The following CLVS1 variants were observed in gnomAD, a reference collection of about 807,000 sequenced individuals.
The protein encoded by CLVS1 is clavesin 1, also known as clavesin-1.
CLVS1 carries 10 observed loss-of-function variants against 33.1 expected under a neutral mutation model. The observed-to-expected ratio is 0.30, with a 90% CI of 0.19 to 0.51. The LOEUF (loss-of-function observed/expected upper bound fraction) is 0.51, where lower values mean the gene tolerates loss of function less well. Among genes scored for constraint, CLVS1 ranks in the 20% least tolerant of loss-of-function variants. CLVS1 has a pLI of 0.97. For synonymous variants in CLVS1, 163 were observed against 166.1 expected (o/e 0.98, Z 0.14); for missense variants, 343 against 433.4 (o/e 0.79, Z 1.85).
At chr8:61,000,988 A>T in the CLVS1 span, among the ~76,000 whole-genome samples, 3 of 152,058 alleles carry the variant, frequency 2.0e-5, no homozygotes, top group Admixed American at 2.0e-4. Flanking sequence ...CTTTCAATGG[A>T]CTTTCTTGTC....
At chr8:61,045,821 C>T in the CLVS1 span, among the ~76,000 whole-genome samples, 1 of 152,116 alleles carries the variant, frequency 6.6e-6, no homozygotes, top group Non-Finnish European at 1.5e-5. Context: ...TGCCTCTGGC[C>T]ACTTTGGTCT....
intron 5 of CLVS1, among the ~76,000 whole-genome samples, chr8:61,467,673 G>T (rs556052072): frequency 2.0e-5 from 3 of 152,166 alleles, no homozygotes; most frequent in Non-Finnish European, 4.4e-5. Flanking sequence ...GGTAGTTCCT[G>T]CCATGGCCAG....
chr8:61,122,663 C>G (rs1385865339), intron 1 of CLVS1, among the ~76,000 whole-genome samples: 1 of 151,474 alleles, frequency 6.6e-6, no homozygotes, highest in Non-Finnish European at 1.5e-5. Context: ...TGAAGTTAAT[C>G]ATTTGACTTT....
At chr8:61,402,099 T>A (rs533673228) in intron 3 of CLVS1, among the ~76,000 whole-genome samples, 1 of 152,260 alleles carries the variant, frequency 6.6e-6, no homozygotes, top group African/African-American at 2.4e-5. Flanking sequence ...GATGGATGAA[T>A]GTTGAGATTT....
chr8:61,464,935 A>T (rs987165772), intron 5 of CLVS1: 2 of 152,300 alleles, frequency 1.3e-5, no homozygotes, highest in East Asian at 3.9e-4. Context: ...GACCACTCAG[A>T]ACCCACATGG....
rs11988706 is a variant in CLVS1, at chr8:61,123,085, C to A, written c.-242-8685C>A. ...GGGAGTTCAAGACCAGCCTGACCAG[C>A]ATGGAGAAAACCCATCTCTACTAAA... On this transcript the variant is annotated intron_variant, in intron 1 of 2. Transcript: ENST00000522621. Among the ~76,000 whole-genome samples the A allele has an allele frequency of 6.6e-3, 942 of 142,962 alleles. 125 individuals are homozygous for A. Among genetic ancestry groups the A allele is most frequent in the African/African-American group, 0.021 (814 of 39,316 alleles). 93.8% of individuals were successfully genotyped at this position (142,962 alleles called of 152,430 possible). A position where few individuals can be genotyped will look rare whatever the true frequency, so the allele number is the denominator to read the frequency against.
At chr8:61,472,816 C>G (rs1817777262) in intron 5 of CLVS1, among the ~76,000 whole-genome samples, 1 of 152,050 alleles carries the variant, frequency 6.6e-6, no homozygotes, top group South Asian at 2.1e-4. Context: ...CCTACTTTTC[C>G]TCTCTAGAAA....
chr8:61,376,936 A>C (rs1813668779), intron 3 of CLVS1, 157 bp downstream of exon 3: 2 of 581,818 alleles, frequency 3.4e-6, no homozygotes, highest in African/African-American at 3.8e-5. Flanking sequence ...CCAGAGTTTT[A>C]GATGCTTTTT....
chr8:61,382,503 G>A (rs1813921071), intron 3 of CLVS1, among the ~76,000 whole-genome samples: 1 of 152,140 alleles, frequency 6.6e-6, no homozygotes, highest in South Asian at 2.1e-4. Context: ...AGATTTTCAG[G>A]CCCTGCCCCA....
intron 2 of CLVS1, among the ~76,000 whole-genome samples, chr8:61,210,021 G>A (rs940279988): frequency 3.3e-5 from 5 of 152,214 alleles, no homozygotes; most frequent in Non-Finnish European, 7.3e-5. Flanking sequence ...ATTATCATGG[G>A]TGGGCCTGCC....
chr8:61,207,341 G>T (rs893491330), intron 2 of CLVS1, among the ~76,000 whole-genome samples: 1 of 151,404 alleles, frequency 6.6e-6, no homozygotes, highest in Non-Finnish European at 1.5e-5. Context: ...ATGTGCAGAG[G>T]TGCATGGGCT....
chr8:61,426,542 G>A (rs762522903), intron 3 of CLVS1, among the ~76,000 whole-genome samples: 17 of 152,168 alleles, frequency 1.1e-4, no homozygotes, highest in Non-Finnish European at 2.2e-4. Flanking sequence ...GCCATAGGTT[G>A]AATCACCTTT....
At chr8:60,994,942 G>C in the CLVS1 span, among the ~76,000 whole-genome samples, 2 of 151,710 alleles carry the variant, frequency 1.3e-5, no homozygotes, top group Non-Finnish European at 1.5e-5. Flanking sequence ...AATGGTGCTG[G>C]GAAAACTGGC....
At chr8:61,457,290 T>C (rs903190104) in intron 4 of CLVS1, among the ~76,000 whole-genome samples, 8 of 152,242 alleles carry the variant, frequency 5.3e-5, no homozygotes, top group Non-Finnish European at 8.8e-5. Flanking sequence ...TGCATGTGTG[T>C]ATACCTGATG....
chr8:61,231,197 T>C (rs1585707726), intron 2 of CLVS1, among the ~76,000 whole-genome samples: 1 of 151,796 alleles, frequency 6.6e-6, no homozygotes, highest in South Asian at 2.1e-4. Context: ...CATGAGAGAG[T>C]CTGCTGCCAT....
At chr8:61,455,746 A>G (rs1429422031) in intron 4 of CLVS1, among the ~76,000 whole-genome samples, 1 of 152,086 alleles carries the variant, frequency 6.6e-6, no homozygotes, top group Non-Finnish European at 1.5e-5. Flanking sequence ...CCTTTTCCTG[A>G]CACCCAGGGT....
rs376886898 is a variant in CLVS1, at chr8:61,272,756, A to G, written c.-151-26921A>G. Among the ~76,000 whole-genome samples the G allele has an allele frequency of 2.5e-3, 379 of 152,046 alleles. 6 individuals are homozygous for G. In the East Asian group the frequency reaches 0.057, roughly 23 times the overall value. On this transcript the variant is annotated intron_variant, in intron 2 of 2. Coordinates refer to the CLVS1 transcript ENST00000522621. ...CATTTCATTCATTTCATCTTCCATC[A>G]CTGATACCCTTTCTTCCAGTTGATC...
At chr8:61,098,150 ACT>A (rs1805385620) in intron 1 of CLVS1, among the ~76,000 whole-genome samples, 1 of 152,040 alleles carries the variant, frequency 6.6e-6, no homozygotes, top group Admixed American at 6.5e-5. Flanking sequence ...ACAGAGCGAG[ACT>A]CTGTCTTTCT....
rs1810362923 is a variant in CLVS1 at position 61,299,789 on chromosome 8, C to G, written c.-39C>G. 6.7e-7 allele frequency: 1 copy of G among 1,493,164 alleles called. No homozygotes were observed. Among genetic ancestry groups the G allele is most frequent in the Non-Finnish European group, 9.2e-7 (1 of 1,088,550 alleles). 92.5% of individuals were successfully genotyped at this position (1,493,164 alleles called of 1,614,324 possible). The stretch of plus-strand genomic sequence containing the variant: ...TCCGGGGCAGCCTGGTAGTAAAACA[C>G]TGTTGAATGGGCCACAGTTTCAGCA... On this transcript the variant is annotated 5_prime_UTR_variant, in exon 2 of 6. Coordinates refer to ENST00000325897, the MANE Select transcript of CLVS1 (RefSeq NM_173519.3).
Sources: gnomAD v4.1 joint callset for allele counts (sites outside exome capture counted in the v4.1 genomes callset) on GRCh38, gnomAD v4.1.1 for gene constraint, MANE v1.5 for transcripts, NCBI Gene and HGNC (gene_info 2026-07-23, HGNC 2026-07-21) for gene names.